Variants in GRHL2 observed in about 807,000 individuals in gnomAD.
GRHL2 encodes the protein grainyhead-like protein 2 homolog.
GRHL2 carries 21 observed loss-of-function variants against 83.8 expected under a neutral mutation model. That is an observed-to-expected ratio of 0.25 (90% CI 0.18 to 0.36). The LOEUF (loss-of-function observed/expected upper bound fraction) is 0.36. Ranked by LOEUF, GRHL2 falls within the 10% of genes least tolerant of loss-of-function variation. GRHL2 has a pLI of 1.00. For synonymous variants in GRHL2, 280 were observed against 278.9 expected, an observed-to-expected ratio of 1.00 and a Z score of -0.04; for missense variants, 623 against 781.8, an observed-to-expected ratio of 0.80 and a Z score of 2.42.
intron 14 of GRHL2, among the ~76,000 whole-genome samples, chr8:101,658,763 T>C (rs967252937): frequency 3.9e-5 from 6 of 152,212 alleles, no homozygotes; most frequent in African/African-American, 1.4e-4. Context: ...AAAGTCCCTA[T>C]TTTATTTTTC....
chr8:101,595,856 C>G (rs1812379498), intron 7 of GRHL2, among the ~76,000 whole-genome samples: 1 of 152,142 alleles, frequency 6.6e-6, no homozygotes, highest in African/African-American at 2.4e-5. Context: ...TGCCGTGGCT[C>G]ACACCTGTAA....
chr8:101,544,382 G>A (rs1019003554), intron 2 of GRHL2, among the ~76,000 whole-genome samples: 12 of 152,052 alleles, frequency 7.9e-5, no homozygotes, highest in Non-Finnish European at 1.5e-5. Flanking sequence ...AAAGTCTTAA[G>A]GCAAAATAAA....
chr8:101,676,835 G>T, the GRHL2 span, among the ~76,000 whole-genome samples: 1 of 152,112 alleles, frequency 6.6e-6, no homozygotes, highest in Non-Finnish European at 1.5e-5. Context: ...CGATAGACTG[G>T]ATTAAGAAAA....
intron 1 of GRHL2, among the ~76,000 whole-genome samples, chr8:101,497,505 A>G (rs1479418998): frequency 1.3e-5 from 2 of 152,236 alleles, no homozygotes; most frequent in African/African-American, 4.8e-5. Flanking sequence ...CTGAAAAACA[A>G]GTTGTAGATG....
chr8:101,584,451 G>C (rs1450312218), intron 7 of GRHL2, among the ~76,000 whole-genome samples: 2 of 152,152 alleles, frequency 1.3e-5, no homozygotes, highest in Non-Finnish European at 2.9e-5. Context: ...CCTCTTAAGA[G>C]ACTCTTGATC....
chr8:101,629,610 G>A (rs1217929620), intron 9 of GRHL2, among the ~76,000 whole-genome samples: 1 of 151,912 alleles, frequency 6.6e-6, no homozygotes, highest in Non-Finnish European at 1.5e-5. Context: ...CCAACTTGGG[G>A]TGTTTCTGGG....
chr8:101,498,293 T>G (rs1245019173), intron 1 of GRHL2, among the ~76,000 whole-genome samples: 1 of 152,122 alleles, frequency 6.6e-6, no homozygotes, highest in Non-Finnish European at 1.5e-5. Flanking sequence ...TGATTTTTTG[T>G]ATTTTTAATA....
intron 1 of GRHL2, among the ~76,000 whole-genome samples, chr8:101,523,316 C>A (rs1228509680): frequency 6.6e-6 from 1 of 151,728 alleles, no homozygotes; most frequent in Non-Finnish European, 1.5e-5. Flanking sequence ...GAGAGGGGAA[C>A]TGCATAAAGA....
chr8:101,677,594 G>C, the GRHL2 span, among the ~76,000 whole-genome samples: 1 of 152,086 alleles, frequency 6.6e-6, no homozygotes, highest in African/African-American at 2.4e-5. Context: ...TGTATTGGTA[G>C]CAGAGGTGAG....
intron 8 of GRHL2, among the ~76,000 whole-genome samples, chr8:101,599,579 A>G (rs1447981012): frequency 6.6e-6 from 1 of 152,192 alleles, no homozygotes; most frequent in Non-Finnish European, 1.5e-5. Flanking sequence ...TGAAGGATGG[A>G]ATACAGGAAG....
At chr8:101,515,967 C>T (rs368196642) in intron 1 of GRHL2, among the ~76,000 whole-genome samples, 5 of 152,102 alleles carry the variant, frequency 3.3e-5, no homozygotes, top group Admixed American at 1.3e-4. Flanking sequence ...AAAATGGGAG[C>T]GCAGGTTGGC....
chr8:101,680,138 A>G, the GRHL2 span, among the ~76,000 whole-genome samples: 2 of 118,428 alleles, frequency 1.7e-5, no homozygotes, highest in African/African-American at 6.9e-5. Context: ...GGCAAATTGG[A>G]TAAAGAGTCA....
At chr8:101,557,867 A>G (rs1176754158) in intron 3 of GRHL2, among the ~76,000 whole-genome samples, 1 of 151,824 alleles carries the variant, frequency 6.6e-6, no homozygotes, top group East Asian at 1.9e-4. Flanking sequence ...ATTTAGGGTT[A>G]GGTTTTGTTT....
At chr8:101,677,761 G>A in the GRHL2 span, among the ~76,000 whole-genome samples, 12 of 152,046 alleles carry the variant, frequency 7.9e-5, no homozygotes, top group Non-Finnish European at 1.3e-4. Context: ...ATCATTGTGC[G>A]CATTCCCAAG....
chr8:101,608,897 A>C (rs1224407904), intron 8 of GRHL2, among the ~76,000 whole-genome samples: 1 of 150,238 alleles, frequency 6.7e-6, no homozygotes, highest in Non-Finnish European at 1.5e-5. Context: ...GGACTTAGAC[A>C]TAAGGAAGTT....
intron 8 of GRHL2, among the ~76,000 whole-genome samples, chr8:101,604,007 GTT>G (rs10578688): frequency 0.52 from 56,742 of 109,286 alleles, 14,920 homozygotes; most frequent in African/African-American, 0.73. Context: ...CCCCTGTTGA[GTT>G]TTTTTTTTGC....
At chr8:101,598,160 CA>C (rs913472337) in intron 7 of GRHL2, among the ~76,000 whole-genome samples, 9 of 151,414 alleles carry the variant, frequency 5.9e-5, no homozygotes, top group Non-Finnish European at 1.3e-4. Context: ...ACATAGTAAC[CA>C]AATAAAGTCA....
chr8:101,633,641 C>T (rs956076976), intron 11 of GRHL2, among the ~76,000 whole-genome samples: 4 of 152,158 alleles, frequency 2.6e-5, no homozygotes, highest in African/African-American at 9.7e-5. Flanking sequence ...TTAACATTTT[C>T]ATCCAGTCTT....
intron 1 of GRHL2, among the ~76,000 whole-genome samples, chr8:101,506,835 C>CA (rs10688299): frequency 0.24 from 35,086 of 146,912 alleles, 5,143 homozygotes; most frequent in African/African-American, 0.41. Flanking sequence ...ATTTGCAAGG[C>CA]AAAAAAAAAA....
Sources: gnomAD v4.1 joint callset for allele counts (sites outside exome capture counted in the v4.1 genomes callset) on GRCh38, gnomAD v4.1.1 for gene constraint, MANE v1.5 for transcripts, NCBI Gene and HGNC (gene_info 2026-07-23, HGNC 2026-07-21) for gene names.